POTEC: variants seen among roughly 807,000 people sequenced by gnomAD.
POTEC encodes POTE ankyrin domain family member C, also known as ANKRD26-like family B member 2.
In POTEC, 35 loss-of-function variants were observed where a neutral mutation model predicts 62.0. That is an observed-to-expected ratio of 0.56 (90% CI 0.43 to 0.75). POTEC has a LOEUF of 0.75. Ranked by LOEUF, POTEC falls within the 30% of genes least tolerant of loss-of-function variation. POTEC has a pLI of 0.00. For missense variants in POTEC, 472 were observed against 655.9 expected (o/e 0.72, Z 3.06); for synonymous variants, 156 against 221.5 (o/e 0.70, Z 2.62).
Position 14,521,896 on chromosome 18 carries a change from T to G in POTEC, c.1409+358A>C, listed in dbSNP as rs549757851. 2.0e-5 allele frequency among the ~76,000 whole-genome samples: 3 copies of G among 152,150 alleles called. No individual in the cohort carries two copies. The East Asian group carries it at 5.8e-4, about 29-fold the overall frequency. On this transcript the variant is annotated intron_variant, in intron 9 of 10. Coordinates refer to ENST00000358970, the MANE Select transcript of POTEC (RefSeq NM_001137671.2). ...GGAGGGAGACGACCAAAAAACTACC[T>G]CTCGAGTATTTTGCTTATTATGTGG...
chr18:14,540,982 C>A (rs537779282), intron 1 of POTEC, among the ~76,000 whole-genome samples: 1 of 152,026 alleles, frequency 6.6e-6, no homozygotes, highest in Non-Finnish European at 1.5e-5. Flanking sequence ...CCTCCGTCTC[C>A]CTGGTTCAAG....
At chr18:14,536,993 G>T (rs572666894) in intron 3 of POTEC, among the ~76,000 whole-genome samples, 103 of 151,572 alleles carry the variant, frequency 6.8e-4, no homozygotes, top group African/African-American at 2.5e-3. Flanking sequence ...CTACTCAAGG[G>T]TTTCCCACTA....
chr18:14,513,247 T>C (rs1910054770), intron 10 of POTEC, among the ~76,000 whole-genome samples: 1 of 152,174 alleles, frequency 6.6e-6, no homozygotes, highest in African/African-American at 2.4e-5. Flanking sequence ...CATTTCCTAC[T>C]TTCCTATTAG....
In POTEC at chr18:14,528,713, C is replaced by G. The variant is rs546031776; in HGVS notation, c.1126+1770G>C. 4.5e-5 allele frequency: 11 copies of G among 245,244 alleles called. No individual in the cohort carries two copies. The Admixed American group carries it at 5.7e-4, about 13-fold the overall frequency. 15.2% of individuals were successfully genotyped at this position (245,244 alleles called of 1,614,324 possible). A position where few individuals can be genotyped will look rare whatever the true frequency, so the allele number is the denominator to read the frequency against. ...ACTCTGGTTCCTACTGTTTTAGCCA[C>G]TGCTCATCTAGTATTTACAGTCCAA... is the stretch of plus-strand genomic sequence containing the variant. On this transcript the variant is annotated intron_variant, in intron 6 of 10. Coordinates refer to ENST00000358970, the MANE Select transcript of POTEC (RefSeq NM_001137671.2).
chr18:14,538,525 T>G lies in POTEC; in HGVS notation c.522-276A>C, dbSNP rs548775845. On this transcript the variant is annotated intron_variant, in intron 1 of 10. Coordinates refer to ENST00000358970, the MANE Select transcript of POTEC (RefSeq NM_001137671.2). ...GTCGCTTCCTAGCTGTTGCTTAGCC[T>G]TTTTGTGTCTCAATTTCCTCATCAA... Among the ~76,000 whole-genome samples the G allele has an allele frequency of 5.2e-4, 79 of 152,128 alleles. No individual in the cohort carries two copies. In the South Asian group the frequency reaches 5.8e-3, roughly 11 times the overall value.
At chr18:14,524,518 T>C (rs1910388197) in intron 7 of POTEC, among the ~76,000 whole-genome samples, 1 of 152,136 alleles carries the variant, frequency 6.6e-6, no homozygotes, top group Non-Finnish European at 1.5e-5. Flanking sequence ...TACTTTATCA[T>C]GTTAGGGTGT....
rs185517518 is a variant in POTEC at position 14,530,048 on chromosome 18, C to T, written c.1126+435G>A. Reference sequence around the variant, plus strand: ...AGCTTCACCTGTACTTACGGCCACACCCCATGGCTCATATTACCGCCTGAA... The same window carrying T: ...AGCTTCACCTGTACTTACGGCCACATCCCATGGCTCATATTACCGCCTGAA... On this transcript the variant is annotated intron_variant, in intron 6 of 10. Coordinates refer to ENST00000358970, the MANE Select transcript of POTEC (RefSeq NM_001137671.2). Among the ~76,000 whole-genome samples the T allele has an allele frequency of 4.5e-3, 681 of 152,032 alleles. 8 individuals carry two copies. Among genetic ancestry groups the T allele is most frequent in the African/African-American group, 0.016 (650 of 41,470 alleles).
chr18:14,542,939 G>T lies in POTEC; in HGVS notation c.208C>A (p.Pro70Thr). 6.4e-7 allele frequency: 1 copy of T among 1,554,588 alleles called. No individual in the cohort carries two copies. Among genetic ancestry groups the T allele is most frequent in the Non-Finnish European group, 8.7e-7 (1 of 1,148,900 alleles). The change falls in exon 1 of 11, where the codon CCC becomes ACC. Residue 70 changes from proline (P) to threonine (T), a missense_variant. Transcript: ENST00000358970. ...KMGKCCHHCFPCCRGSGTSNV... is the reference protein window; with the variant it reads ...KMGKCCHHCFTCCRGSGTSNV... ...CTCGTGCCGCTCCCCCTGCAGCAGG[G>T]GAAGCAGTGGTGGCAACACTTGCCC...
At chr18:14,528,242 C>T (rs529845124) in intron 6 of POTEC, among the ~76,000 whole-genome samples, 9 of 152,282 alleles carry the variant, frequency 5.9e-5, no homozygotes, top group Admixed American at 5.9e-4. Context: ...TGTAACTTCC[C>T]TGCTCAAATT....
chr18:14,533,901 G>GTTTTTTTTTT (rs200431500), intron 4 of POTEC, among the ~76,000 whole-genome samples: 1 of 144,500 alleles, frequency 6.9e-6, no homozygotes. Context: ...TGCCCAGCTA[G>GTTTTTTTTTT]TTTTTTTTTT....
intron 5 of POTEC, chr18:14,531,730 T>C (rs1397279625): frequency 6.6e-6 from 1 of 151,968 alleles, no homozygotes; most frequent in African/African-American, 2.4e-5. Context: ...GAAGCCATGC[T>C]AACTTTCTCT....
intron 9 of POTEC, among the ~76,000 whole-genome samples, chr18:14,518,200 AG>A (rs1300803397): frequency 1.4e-4 from 22 of 152,302 alleles, no homozygotes; most frequent in African/African-American, 5.1e-4. Flanking sequence ...TTTTCTAGGC[AG>A]TGAGGATATT....
chr18:14,519,041 TA>T (rs1910242088), intron 9 of POTEC, among the ~76,000 whole-genome samples: 1 of 152,226 alleles, frequency 6.6e-6, no homozygotes, highest in Non-Finnish European at 1.5e-5. Context: ...GACACTCATC[TA>T]GACTGCAGAT....
At chr18:14,542,573 A>G in intron 1 of POTEC, 53 bp downstream of exon 1, 1 of 1,610,770 alleles carries the variant, frequency 6.2e-7, no homozygotes, top group Non-Finnish European at 8.5e-7. Flanking sequence ...CCAGGAGGGT[A>G]TGTCCCCATC....
intron 9 of POTEC, among the ~76,000 whole-genome samples, chr18:14,514,916 C>T (rs1910107917): frequency 6.6e-6 from 1 of 152,110 alleles, no homozygotes; most frequent in Non-Finnish European, 1.5e-5. Flanking sequence ...CAACTACAAC[C>T]AAGCTGAGAG....
rs1169998167 is a variant in POTEC, at chr18:14,515,680, C to A, written c.1410-1895G>T. ...AATAAATAAATAAATAAATAAATAC[C>A]TAATTAAACTAAAAAGCTTCAGCAC... On this transcript the variant is annotated intron_variant, in intron 9 of 10. Transcript: ENST00000358970. Among the ~76,000 whole-genome samples the A allele has an allele frequency of 1.0e-4, 12 of 117,868 alleles. No individual in the cohort carries two copies. In the South Asian group the frequency reaches 3.3e-3, roughly 33 times the overall value. 77.3% of individuals were successfully genotyped at this position (117,868 alleles called of 152,430 possible).
At chr18:14,540,516 T>C (rs1905896279) in intron 1 of POTEC, among the ~76,000 whole-genome samples, 1 of 152,184 alleles carries the variant, frequency 6.6e-6, no homozygotes, top group African/African-American at 2.4e-5. Context: ...TCACTTGATA[T>C]AGCAAAGTAC....
chr18:14,541,646 T>A (rs200582287), intron 1 of POTEC, among the ~76,000 whole-genome samples: 10,592 of 151,958 alleles, frequency 0.07, 870 homozygotes, highest in East Asian at 0.41. Flanking sequence ...CTCAGAAAAA[T>A]AAATAAATAT....
intron 9 of POTEC, among the ~76,000 whole-genome samples, chr18:14,516,298 TTATATATATATATATATATATATA>T (rs200611192): frequency 1.2e-4 from 3 of 25,126 alleles, no homozygotes; most frequent in Non-Finnish European, 2.1e-4. Flanking sequence ...AAAGAAAATT[TTATATATATATATATATATATATA>T]TATATATATA....
Sources: allele counts gnomAD v4.1 joint callset (sites outside exome capture counted in the v4.1 genomes callset), GRCh38; gene constraint gnomAD v4.1.1; transcripts MANE v1.5; gene names NCBI Gene and HGNC (gene_info 2026-07-23, HGNC 2026-07-21).